The following NCALD variants were observed in gnomAD, a reference collection of about 807,000 sequenced individuals.
The protein encoded by NCALD is neurocalcin delta.
Under a neutral mutation model 18.6 loss-of-function variants are expected in NCALD, and 10 were observed. The ratio of observed to expected loss-of-function variants is 0.54; its 90% CI spans 0.33 to 0.91. The LOEUF is 0.91. Among genes scored for constraint, NCALD ranks in the 40% least tolerant of loss-of-function variants. NCALD has a pLI of 0.03. For synonymous variants in NCALD, 88 were observed against 87.4 expected (o/e 1.01, Z -0.04); for missense variants, 184 against 247.6 (o/e 0.74, Z 1.72).
chr8:102,005,909 T>C (rs1379197644), intron 2 of NCALD, among the ~76,000 whole-genome samples: 1 of 151,356 alleles, frequency 6.6e-6, no homozygotes, highest in Non-Finnish European at 1.5e-5. Context: ...AGGGATAGCA[T>C]TAGGAGATAT....
At chr8:101,963,126 A>G (rs937681098) in intron 2 of NCALD, among the ~76,000 whole-genome samples, 2 of 152,136 alleles carry the variant, frequency 1.3e-5, no homozygotes, top group Admixed American at 6.5e-5. Context: ...GCTTTTATAA[A>G]CTCTTATGAA....
At chr8:101,839,791 A>G (rs1814565444) in intron 4 of NCALD, among the ~76,000 whole-genome samples, 1 of 151,970 alleles carries the variant, frequency 6.6e-6, no homozygotes, top group Admixed American at 6.6e-5. Flanking sequence ...GCACCAAATC[A>G]AAGATGGTCA....
intron 2 of NCALD, among the ~76,000 whole-genome samples, chr8:102,017,524 G>A (rs1822127820): frequency 6.6e-6 from 1 of 152,120 alleles, no homozygotes. Context: ...GACCAGCCCT[G>A]TCTCCACTAA....
intron 1 of NCALD, among the ~76,000 whole-genome samples, chr8:102,092,321 C>A (rs2132378658): frequency 6.6e-6 from 1 of 152,338 alleles, no homozygotes; most frequent in South Asian, 2.1e-4. Flanking sequence ...AGTGGGCAGC[C>A]AGCAGCCCTC....
rs148395028 is a variant in NCALD at position 101,811,470 on chromosome 8, A to C, written c.-20+75671T>G. On this transcript the variant is annotated intron_variant, in intron 4 of 6. Transcript: ENST00000311028. ...CAGTGAGACCATTTTGGAGCTCTGA[A>C]CTCTAGTACTGTAATACACTAAATT... Among the ~76,000 whole-genome samples, 869 of 152,192 alleles carry C rather than the reference A, an allele frequency of 5.7e-3. 11 individuals are homozygous for C. The highest frequency in any genetic ancestry group is 0.018 in the African/African-American group (764 of 41,544).
At chr8:101,981,216 T>G (rs1820608238) in intron 2 of NCALD, among the ~76,000 whole-genome samples, 1 of 152,222 alleles carries the variant, frequency 6.6e-6, no homozygotes, top group South Asian at 2.1e-4. Context: ...GTTTCCTTAG[T>G]GCCTATTCTG....
intron 4 of NCALD, among the ~76,000 whole-genome samples, chr8:101,808,337 C>G (rs2131125258): frequency 6.6e-6 from 1 of 152,248 alleles, no homozygotes; most frequent in African/African-American, 2.4e-5. Flanking sequence ...TTATGATGAA[C>G]CAAATGTCTC....
At chr8:102,016,819 A>C (rs930671699) in intron 2 of NCALD, among the ~76,000 whole-genome samples, 5 of 152,192 alleles carry the variant, frequency 3.3e-5, no homozygotes, top group South Asian at 2.1e-4. Context: ...ACACTCAAAA[A>C]AGCAAAAACA....
At chr8:101,784,536 C>T (rs1054907537) in intron 1 of NCALD, among the ~76,000 whole-genome samples, 1 of 152,096 alleles carries the variant, frequency 6.6e-6, no homozygotes, top group African/African-American at 2.4e-5. Context: ...GTGGCTCATG[C>T]CTGTAATCTC....
intron 4 of NCALD, among the ~76,000 whole-genome samples, chr8:101,846,333 C>T (rs1814867238): frequency 6.6e-6 from 1 of 152,186 alleles, no homozygotes; most frequent in South Asian, 2.1e-4. Flanking sequence ...TTGCCAACAT[C>T]TCAGATAATC....
chr8:101,843,558 C>A (rs780353422), intron 4 of NCALD, among the ~76,000 whole-genome samples: 2 of 147,064 alleles, frequency 1.4e-5, no homozygotes, highest in Non-Finnish European at 3.0e-5. Flanking sequence ...ATCATCTGAT[C>A]TGTTCTATGA....
intron 2 of NCALD, among the ~76,000 whole-genome samples, chr8:101,922,176 G>A (rs1158209919): frequency 6.6e-6 from 1 of 151,408 alleles, no homozygotes; most frequent in African/African-American, 2.4e-5. Context: ...TGGTGTCTCT[G>A]GAAATGATGA....
At chr8:101,797,709 C>T (rs114102560) in intron 4 of NCALD, among the ~76,000 whole-genome samples, 1,588 of 151,522 alleles carry the variant, frequency 0.01, 30 homozygotes, top group African/African-American at 0.035. Flanking sequence ...CCAGCTAATC[C>T]GGAAGCTGAG....
Position 101,817,241 on chromosome 8 carries a change from C to G in NCALD, c.-20+69900G>C, listed in dbSNP as rs575925089. Among the ~76,000 whole-genome samples, 5 of 152,268 alleles carry G rather than the reference C, an allele frequency of 3.3e-5. No homozygotes were observed. The South Asian group carries it at 1.0e-3, about 32-fold the overall frequency. On this transcript the variant is annotated intron_variant, in intron 4 of 6. Transcript: ENST00000311028. Reference sequence around the variant, plus strand: ...CTCTACAAGGCTAACACAGAATCAACTTTCTCCTCCTACTTGGTGGAGCCA... The same window carrying G: ...CTCTACAAGGCTAACACAGAATCAAGTTTCTCCTCCTACTTGGTGGAGCCA...
intron 1 of NCALD, among the ~76,000 whole-genome samples, chr8:101,766,450 T>C (rs1811350596): frequency 6.6e-6 from 1 of 152,242 alleles, no homozygotes; most frequent in Non-Finnish European, 1.5e-5. Context: ...AGATTTTTCT[T>C]ATATATGATA....
At chr8:101,708,908 G>T (rs905516077) in intron 2 of NCALD, among the ~76,000 whole-genome samples, 3 of 152,142 alleles carry the variant, frequency 2.0e-5, no homozygotes, top group African/African-American at 7.2e-5. Flanking sequence ...CAAGGAGATG[G>T]GAAATAAGGA....
chr8:102,073,807 T>A (rs1247625756), intron 1 of NCALD, among the ~76,000 whole-genome samples: 1 of 152,210 alleles, frequency 6.6e-6, no homozygotes, highest in African/African-American at 2.4e-5. Flanking sequence ...GGTGATTTTT[T>A]AAAATGTTTG....
chr8:102,009,223 G>C lies in NCALD; in HGVS notation c.-157+11014C>G, dbSNP rs141323159. Among the ~76,000 whole-genome samples, 4 of 152,310 alleles carry C rather than the reference G, an allele frequency of 2.6e-5. No individual in the cohort carries two copies. In the East Asian group the frequency reaches 7.7e-4, roughly 29 times the overall value. ...CCTACCAACTCTAAGGCAAAAAGCT[G>C]GTGGTCCAATGACCTTTCTATTAAG... On this transcript the variant is annotated intron_variant, in intron 2 of 6. Coordinates refer to the NCALD transcript ENST00000311028.
intron 1 of NCALD, among the ~76,000 whole-genome samples, chr8:102,065,261 T>G (rs544631648): frequency 2.0e-5 from 3 of 151,834 alleles, no homozygotes; most frequent in Non-Finnish European, 2.9e-5. Context: ...AGGCTCTTTT[T>G]TTTTTCATAT....
Sources: allele counts gnomAD v4.1 joint callset (sites outside exome capture counted in the v4.1 genomes callset), GRCh38; gene constraint gnomAD v4.1.1; transcripts MANE v1.5; gene names NCBI Gene and HGNC (gene_info 2026-07-23, HGNC 2026-07-21).